Variants in PSD3 observed in about 807,000 individuals in gnomAD.
The protein encoded by PSD3 is PH and SEC7 domain-containing protein 3.
PSD3 carries 49 observed loss-of-function variants against 105.5 expected under a neutral mutation model. That is an observed-to-expected ratio of 0.46 (90% confidence interval 0.37 to 0.59). The LOEUF (loss-of-function observed/expected upper bound fraction) is 0.59, where lower values mean the gene tolerates loss of function less well. Among genes scored for constraint, PSD3 ranks in the 20% least tolerant of loss-of-function variants. The pLI is 0.00. For missense variants in PSD3, 1,561 were observed against 1,263.8 expected (o/e 1.24, Z -3.57); for synonymous variants, 557 against 457.8 (o/e 1.22, Z -2.77).
intron 1 of PSD3, among the ~76,000 whole-genome samples, chr8:19,033,361 C>G (rs1046049592): frequency 1.3e-5 from 2 of 152,050 alleles, no homozygotes; most frequent in Non-Finnish European, 2.9e-5. Flanking sequence ...GATTATAGAA[C>G]AGCTAACAGC....
chr8:19,059,254 G>C (rs930983744), intron 1 of PSD3, among the ~76,000 whole-genome samples: 7 of 152,296 alleles, frequency 4.6e-5, no homozygotes, highest in African/African-American at 1.4e-4. Flanking sequence ...GCCACAACAG[G>C]GGCCAGCAGA....
At chr8:18,616,139 G>T (rs1294211182) in intron 11 of PSD3, among the ~76,000 whole-genome samples, 2 of 152,350 alleles carry the variant, frequency 1.3e-5, no homozygotes, top group South Asian at 4.1e-4. Context: ...TACCACTCAC[G>T]CGCAGGAGCC....
intron 1 of PSD3, among the ~76,000 whole-genome samples, chr8:19,039,225 C>T (rs1040285193): frequency 7.2e-5 from 11 of 152,156 alleles, no homozygotes; most frequent in Admixed American, 3.9e-4. Flanking sequence ...CTTTTCCCTA[C>T]TCTTCTTTTT....
chr8:19,076,488 T>C (rs942163166), intron 1 of PSD3, among the ~76,000 whole-genome samples: 5 of 152,042 alleles, frequency 3.3e-5, no homozygotes, highest in African/African-American at 9.7e-5. Flanking sequence ...AAATATAAAA[T>C]TTTATTAAAT....
chr8:18,965,940 G>C (rs1824217472), intron 1 of PSD3, among the ~76,000 whole-genome samples: 1 of 152,186 alleles, frequency 6.6e-6, no homozygotes, highest in Admixed American at 6.5e-5. Context: ...ATTTCCTCTT[G>C]TGAGTTTAAG....
chr8:18,653,730 A>G (rs1808690526), intron 10 of PSD3, among the ~76,000 whole-genome samples: 1 of 152,048 alleles, frequency 6.6e-6, no homozygotes, highest in Non-Finnish European at 1.5e-5. Flanking sequence ...AACTCCGACT[A>G]CCTATAAATG....
intron 2 of PSD3, among the ~76,000 whole-genome samples, chr8:18,912,898 G>A (rs990918095): frequency 6.6e-6 from 1 of 151,892 alleles, no homozygotes; most frequent in East Asian, 1.9e-4. Context: ...CAGTTACCAT[G>A]CTGTCACAAT....
intron 2 of PSD3, among the ~76,000 whole-genome samples, chr8:18,928,083 A>C (rs1367206039): frequency 1.3e-5 from 2 of 152,214 alleles, no homozygotes; most frequent in African/African-American, 4.8e-5. Context: ...CAAGCCAAAA[A>C]GGAAAAGCAA....
intron 9 of PSD3, among the ~76,000 whole-genome samples, chr8:18,715,355 C>T (rs1182393596): frequency 1.3e-5 from 2 of 152,186 alleles, no homozygotes; most frequent in Non-Finnish European, 2.9e-5. Context: ...CTTTGAAAAG[C>T]ATTGACCTAG....
chr8:18,545,957 T>G (rs1040765941), intron 15 of PSD3, among the ~76,000 whole-genome samples: 1 of 152,194 alleles, frequency 6.6e-6, no homozygotes, highest in Non-Finnish European at 1.5e-5. Flanking sequence ...CTAAGACATT[T>G]CATCACCTAC....
intron 9 of PSD3, among the ~76,000 whole-genome samples, chr8:18,673,351 C>A (rs988793206): frequency 6.6e-5 from 10 of 152,170 alleles, no homozygotes; most frequent in Non-Finnish European, 1.5e-4. Context: ...TGGGGCAGAA[C>A]ACTAGGCTAC....
chr8:18,653,796 G>A (rs1466067192), intron 10 of PSD3, among the ~76,000 whole-genome samples: 1 of 151,624 alleles, frequency 6.6e-6, no homozygotes, highest in Non-Finnish European at 1.5e-5. Flanking sequence ...TTACAAAACA[G>A]GTCCTCAAGA....
chr8:18,629,233 G>C (rs74469342), intron 11 of PSD3, among the ~76,000 whole-genome samples: 6,951 of 151,916 alleles, frequency 0.046, 241 homozygotes, highest in African/African-American at 0.091. Flanking sequence ...CAAATCATCA[G>C]GAAGACATAA....
In PSD3 at chr8:18,773,219, C is replaced by CT. The variant is rs1199370003; in HGVS notation, c.2083-7682dup. Among the ~76,000 whole-genome samples, 24 of 151,886 alleles carry CT rather than the reference C, an allele frequency of 1.6e-4. 1 individual carries two copies. The highest frequency in any genetic ancestry group is 9.8e-4 in the Admixed American group (15 of 15,238). On this transcript the variant is annotated intron_variant, in intron 8 of 15. Coordinates refer to ENST00000327040, the MANE Select transcript of PSD3 (RefSeq NM_015310.4). ...TGTGTGATATAAGGGTCCTACTTCTCTTTTTTTTGCATGAAGATACTGTAT... is the reference window on the plus strand; with the variant it reads ...TGTGTGATATAAGGGTCCTACTTCTCTTTTTTTTTGCATGAAGATACTGTAT...
At chr8:18,564,511 C>T (rs920913144) in intron 14 of PSD3, among the ~76,000 whole-genome samples, 1 of 152,024 alleles carries the variant, frequency 6.6e-6, no homozygotes, top group African/African-American at 2.4e-5. Flanking sequence ...CACCTGTAAT[C>T]CCAGCTACTT....
intron 2 of PSD3, among the ~76,000 whole-genome samples, chr8:18,923,473 C>G (rs1821162116): frequency 6.6e-6 from 1 of 152,208 alleles, no homozygotes; most frequent in South Asian, 2.1e-4. Context: ...TGACATCTGG[C>G]TCACCAATGA....
intron 1 of PSD3, among the ~76,000 whole-genome samples, chr8:19,078,986 C>G (rs188753145): frequency 1.3e-5 from 2 of 151,910 alleles, no homozygotes; most frequent in Non-Finnish European, 2.9e-5. Context: ...TGCTTTTCAA[C>G]ATGTTGCAAG....
At chr8:18,567,592 T>C (rs1356750753) in intron 14 of PSD3, among the ~76,000 whole-genome samples, 1 of 152,222 alleles carries the variant, frequency 6.6e-6, no homozygotes, top group African/African-American at 2.4e-5. Context: ...GCATTCAATA[T>C]ATGTTAATGA....
chr8:18,882,730 A>T (rs1818188786), intron 2 of PSD3, among the ~76,000 whole-genome samples: 1 of 152,070 alleles, frequency 6.6e-6, no homozygotes, highest in Admixed American at 6.6e-5. Context: ...AAATTTAATA[A>T]AATTGAAATT....
Sources: allele counts gnomAD v4.1 joint callset (sites outside exome capture counted in the v4.1 genomes callset), GRCh38; gene constraint gnomAD v4.1.1; transcripts MANE v1.5; gene names NCBI Gene and HGNC (gene_info 2026-07-23, HGNC 2026-07-21).